Variants in STAMBPL1 observed in about 807,000 individuals in gnomAD.
STAMBPL1 encodes the protein STAM binding protein like 1.
STAMBPL1 carries 44 observed loss-of-function variants against 52.9 expected under a neutral mutation model. The ratio of observed to expected loss-of-function variants is 0.83; its 90% CI spans 0.65 to 1.07. The LOEUF (loss-of-function observed/expected upper bound fraction) is 1.07, where lower values mean the gene tolerates loss of function less well. STAMBPL1 is among the 50% of genes least tolerant of loss of function. The pLI is 0.00. For synonymous variants in STAMBPL1, 164 were observed against 177.3 expected, an observed-to-expected ratio of 0.92 and a Z score of 0.60; for missense variants, 511 against 520.8, an observed-to-expected ratio of 0.98 and a Z score of 0.18.
chr10:88,888,094 A>G (rs1379888416), intron 1 of STAMBPL1, among the ~76,000 whole-genome samples: 1 of 152,152 alleles, frequency 6.6e-6, no homozygotes. Context: ...GAATCAGGAA[A>G]CCACAGGGTT....
intron 9 of STAMBPL1, 137 bp downstream of exon 9, chr10:88,921,532 C>A: frequency 3.1e-6 from 2 of 640,536 alleles, no homozygotes; most frequent in Non-Finnish European, 5.5e-6. Flanking sequence ...GGGTAGTAGT[C>A]AGCTGCCATA....
chr10:88,916,027 G>T (rs547026913), intron 7 of STAMBPL1, among the ~76,000 whole-genome samples: 4 of 152,090 alleles, frequency 2.6e-5, no homozygotes, highest in Non-Finnish European at 4.4e-5. Flanking sequence ...TGAGGATCCC[G>T]TGGCACTTCA....
chr10:88,903,810 G>T (rs1412082502), intron 2 of STAMBPL1, among the ~76,000 whole-genome samples: 1 of 152,122 alleles, frequency 6.6e-6, no homozygotes, highest in East Asian at 1.9e-4. Context: ...TCTGATGTGG[G>T]GAAGCCACGT....
chr10:88,919,681 A>T (rs549732704), intron 8 of STAMBPL1, among the ~76,000 whole-genome samples: 1 of 152,264 alleles, frequency 6.6e-6, no homozygotes, highest in East Asian at 1.9e-4. Flanking sequence ...CCCCTACTGA[A>T]GATTTGCATT....
intron 1 of STAMBPL1, among the ~76,000 whole-genome samples, chr10:88,889,252 T>C (rs1389739105): frequency 1.3e-5 from 2 of 152,190 alleles, no homozygotes; most frequent in South Asian, 2.1e-4. Flanking sequence ...TATGGGGAGA[T>C]CTTAAAATTG....
rs532592934 is a variant in STAMBPL1, at chr10:88,911,919, C to G, written c.420+908C>G. 1.0e-3 allele frequency among the ~76,000 whole-genome samples: 154 copies of G among 149,884 alleles called. 1 individual carries two copies. Among genetic ancestry groups the G allele is most frequent in the Middle Eastern group, 3.4e-3 (1 of 294 alleles). On this transcript the variant is annotated intron_variant, in intron 5 of 10. Transcript: ENST00000371926. Reference sequence around the variant, plus strand: ...GCAACAACAGCAAGGGAGACGAAAGCCCAGTTCAAGTCTCCTTTCCACGGT... The same window carrying G: ...GCAACAACAGCAAGGGAGACGAAAGGCCAGTTCAAGTCTCCTTTCCACGGT...
intron 1 of STAMBPL1, among the ~76,000 whole-genome samples, chr10:88,897,653 G>A (rs1445443657): frequency 2.6e-5 from 4 of 152,124 alleles, no homozygotes; most frequent in Admixed American, 1.3e-4. Flanking sequence ...TAAAAGCAGC[G>A]AAGTGTGGCT....
chr10:88,902,368 C>T (rs1414706052), intron 2 of STAMBPL1, among the ~76,000 whole-genome samples: 3 of 152,144 alleles, frequency 2.0e-5, no homozygotes, highest in African/African-American at 7.2e-5. Context: ...TGGTCCTAGC[C>T]TACCAGGATG....
intron 7 of STAMBPL1, 51 bp from the exon 8 acceptor site, chr10:88,916,629 T>A (rs1271596702): frequency 1.4e-6 from 2 of 1,457,840 alleles, no homozygotes; most frequent in South Asian, 2.7e-5. Flanking sequence ...GTTCAGTTAT[T>A]TTTTTTTTTT....
At chr10:88,883,804 T>A (rs1238120795) in intron 1 of STAMBPL1, among the ~76,000 whole-genome samples, 2 of 152,248 alleles carry the variant, frequency 1.3e-5, no homozygotes, top group Non-Finnish European at 2.9e-5. Context: ...ACACCAGTAA[T>A]TCTTATGTCT....
Position 88,916,798 on chromosome 10 carries a change from T to A in STAMBPL1, c.1022T>A (p.Leu341His). 6.2e-7 allele frequency: 1 copy of A among 1,608,694 alleles called. No individual in the cohort carries two copies. The highest frequency in any genetic ancestry group is 8.5e-7 in the Non-Finnish European group (1 of 1,177,530). ...AATGTTCAGGATCAACATGATCTCCTCACTCTAGGATGGATCCATGTACGT... is the reference window on the plus strand; with the variant it reads ...AATGTTCAGGATCAACATGATCTCCACACTCTAGGATGGATCCATGTACGT... ...LFNVQDQHDL[L>H]TLGWIHTHPT... is the part of the protein sequence containing the mutation. The change falls in exon 8 of 11, where the codon CTC becomes CAC. Residue 341 changes from leucine (L) to histidine (H), a missense_variant. This residue lies in a region of STAMBPL1 where 137 missense variants were observed against 139.9 expected (regional missense o/e 0.98). Coordinates refer to ENST00000371926, the MANE Select transcript of STAMBPL1 (RefSeq NM_020799.4).
chr10:88,888,486 C>G (rs1844594507), intron 1 of STAMBPL1, among the ~76,000 whole-genome samples: 1 of 152,172 alleles, frequency 6.6e-6, no homozygotes, highest in Admixed American at 6.5e-5. Flanking sequence ...TTTGGCTGGA[C>G]TGACTTTCAA....
intron 1 of STAMBPL1, 36 bp from the exon 2 acceptor site, chr10:88,901,620 A>G (rs1844944763): frequency 6.9e-7 from 1 of 1,450,800 alleles, no homozygotes. Context: ...GGGTCTCAAA[A>G]AATAACTTTA....
At chr10:88,910,821 C>A in intron 4 of STAMBPL1, 95 bp from the exon 5 acceptor site, 1 of 771,406 alleles carries the variant, frequency 1.3e-6, no homozygotes. Context: ...ACTTTATTTG[C>A]AGTATACCTA....
chr10:88,908,289 A>T (rs1240775554), intron 3 of STAMBPL1, among the ~76,000 whole-genome samples: 2 of 152,174 alleles, frequency 1.3e-5, no homozygotes, highest in Admixed American at 1.3e-4. Context: ...CTGCTGATTC[A>T]TCAGTGGTCG....
Position 88,922,335 on chromosome 10 carries a change from A to G in STAMBPL1, c.1155-2A>G. On this transcript the variant is annotated splice_acceptor_variant, in intron 9 of 10. Transcript: ENST00000371926. LOFTEE classifies it high-confidence loss of function. The stretch of plus-strand genomic sequence containing the variant: ...CTATCTTGTTTTTGCTCTGAAATTT[A>G]GCACTGGCATCTTCAGGCTCACCAA... The G allele has an allele frequency of 6.2e-7, 1 of 1,613,324 alleles. No individual in the cohort carries two copies. Among genetic ancestry groups the G allele is most frequent in the South Asian group, 1.1e-5 (1 of 91,056 alleles).
intron 1 of STAMBPL1, among the ~76,000 whole-genome samples, chr10:88,898,915 A>T (rs1036129418): frequency 1.3e-5 from 2 of 152,226 alleles, no homozygotes; most frequent in Non-Finnish European, 2.9e-5. Context: ...AGACATCTGC[A>T]TCTCATGCTT....
At chr10:88,920,281 C>T (rs187003339) in intron 8 of STAMBPL1, among the ~76,000 whole-genome samples, 1 of 152,312 alleles carries the variant, frequency 6.6e-6, no homozygotes, top group African/African-American at 2.4e-5. Context: ...ATAACAACAG[C>T]TAATGACTTT....
At chr10:88,914,422 A>C in intron 6 of STAMBPL1, 112 bp from the exon 7 acceptor site, 2 of 772,712 alleles carry the variant, frequency 2.6e-6, no homozygotes, top group Non-Finnish European at 3.7e-6. Flanking sequence ...GGAACACCTG[A>C]TACTTTTATT....
Sources: allele counts gnomAD v4.1 joint callset (sites outside exome capture counted in the v4.1 genomes callset), GRCh38; gene constraint gnomAD v4.1.1; regional missense constraint gnomAD v4.1.1; transcripts MANE v1.5; gene names NCBI Gene and HGNC (gene_info 2026-07-23, HGNC 2026-07-21).